ACSM4: variants seen among roughly 807,000 people sequenced by gnomAD.
ACSM4 encodes acyl-coenzyme A synthetase ACSM4, mitochondrial.
A neutral mutation model predicts 73.0 loss-of-function variants in ACSM4; 66 were observed. The ratio of observed to expected loss-of-function variants is 0.90; its 90% CI spans 0.74 to 1.11. The LOEUF is 1.11. ACSM4 is among the 50% of genes least tolerant of loss of function. The pLI, the probability that ACSM4 is intolerant of heterozygous loss-of-function variation, is 0.00. For missense variants in ACSM4, 645 were observed against 714.4 expected (o/e 0.90, Z 1.11); for synonymous variants, 222 against 254.0 (o/e 0.87, Z 1.20).
In ACSM4 at chr12:7,317,186, A is replaced by G. The variant is rs777363113; in HGVS notation, c.670A>G (p.Met224Val). The G allele has an allele frequency of 5.0e-6, 8 of 1,612,910 alleles. No individual in the cohort carries two copies. The highest frequency in any genetic ancestry group is 2.2e-5 in the South Asian group (2 of 90,720). Residue 224 changes from methionine (M) to valine (V), a missense_variant, in exon 4 of 13, where the codon ATG becomes GTG. Met to Val is a conservative substitution (Grantham distance 21). Transcript: ENST00000399422. ...SCVETGSQEP[M>V]TIYFTSGTTG... ...TGTGGAAACAGGAAGTCAAGAACCA[A>G]TGACCATTTATTTCACCAGTGGGAC...
intron 3 of ACSM4, among the ~76,000 whole-genome samples, chr12:7,311,801 C>T (rs1399728495): frequency 6.6e-6 from 1 of 152,104 alleles, no homozygotes; most frequent in Non-Finnish European, 1.5e-5. Flanking sequence ...GTGATCCTCC[C>T]ACCTGAGCCT....
chr12:7,309,681 G>A (rs1311537353), intron 2 of ACSM4, among the ~76,000 whole-genome samples: 1 of 152,096 alleles, frequency 6.6e-6, no homozygotes, highest in Non-Finnish European at 1.5e-5. Context: ...GGGATTACAG[G>A]TGTGAGCCAC....
At position 7,323,535 on chromosome 12, in the gene ACSM4, C is replaced by T. The variant is rs776914125; in HGVS notation, c.1283C>T (p.Pro428Leu). The T allele has an allele frequency of 1.2e-5, 20 of 1,613,580 alleles. No homozygotes were observed. Among genetic ancestry groups the T allele is most frequent in the Non-Finnish European group, 1.4e-5 (16 of 1,179,618 alleles). ...EIALRLKPTR[P>L]FCFFSKYVDN... ...GCCCTCAGACTCAAACCTACACGGC[C>T]CTTCTGTTTCTTCTCTAAATATGTG... The change falls in exon 9 of 13, where the codon CCC becomes CTC. Residue 428 changes from proline (P) to leucine (L), a missense_variant. Physicochemically the swap from Pro to Leu is moderately conservative, Grantham distance 98. Transcript: ENST00000399422.
chr12:7,305,659 C>T (rs1946357769), intron 1 of ACSM4, among the ~76,000 whole-genome samples: 1 of 152,166 alleles, frequency 6.6e-6, no homozygotes, highest in Non-Finnish European at 1.5e-5. Context: ...AGAGACACAT[C>T]TGTCATATAA....
intron 9 of ACSM4, 100 bp from the exon 10 acceptor site, chr12:7,324,173 C>T: frequency 7.1e-7 from 1 of 1,407,444 alleles, no homozygotes. Context: ...AAAAAATTTC[C>T]TATATAAGTA....
chr12:7,324,917 G>A (rs1318010001), intron 11 of ACSM4, among the ~76,000 whole-genome samples: 3 of 151,776 alleles, frequency 2.0e-5, no homozygotes, highest in African/African-American at 7.3e-5. Context: ...AGGTTGGCAA[G>A]ATTTAGCCCC....
chr12:7,307,507 A>T (rs1946368425), intron 2 of ACSM4, among the ~76,000 whole-genome samples: 1 of 152,240 alleles, frequency 6.6e-6, no homozygotes, highest in Non-Finnish European at 1.5e-5. Context: ...GTATTTATAC[A>T]TCAGGACTTA....
At chr12:7,320,392 A>G (rs927799066) in intron 5 of ACSM4, among the ~76,000 whole-genome samples, 3 of 152,244 alleles carry the variant, frequency 2.0e-5, no homozygotes, top group African/African-American at 7.2e-5. Context: ...GGAGGTTACA[A>G]GATTACACTA....
intron 9 of ACSM4, among the ~76,000 whole-genome samples, chr12:7,323,801 G>A (rs753087681): frequency 5.3e-4 from 80 of 152,244 alleles, no homozygotes; most frequent in African/African-American, 1.9e-3. Flanking sequence ...TGCAGTTGGG[G>A]GGTGCTAGAG....
At chr12:7,322,884 C>T (rs866253212) in intron 7 of ACSM4, among the ~76,000 whole-genome samples, 7 of 152,128 alleles carry the variant, frequency 4.6e-5, no homozygotes, top group African/African-American at 9.7e-5. Flanking sequence ...GTGCATTTAA[C>T]GGAGTCCAAG....
chr12:7,310,036 C>T lies in ACSM4; in HGVS notation c.413-503C>T, dbSNP rs150196017. Among the ~76,000 whole-genome samples the T allele has an allele frequency of 2.9e-3, 436 of 152,294 alleles. 5 individuals are homozygous for T. The highest frequency in any genetic ancestry group is 9.2e-3 in the African/African-American group (382 of 41,552). On this transcript the variant is annotated intron_variant, in intron 2 of 12. Coordinates refer to ENST00000399422, the MANE Select transcript of ACSM4 (RefSeq NM_001080454.2). ...TGGGCTTGATTAAGTAATCTACTGG[C>T]CTCGCCTCCCAAAGTGCTGGGATTA...
chr12:7,306,462 A>G (rs928791765), intron 1 of ACSM4, 71 bp from the exon 2 acceptor site: 1 of 1,429,770 alleles, frequency 7.0e-7, no homozygotes, highest in African/African-American at 1.4e-5. Flanking sequence ...GGGGGAAAAC[A>G]GCAGATGCCG....
intron 6 of ACSM4, among the ~76,000 whole-genome samples, chr12:7,322,141 A>G (rs1407922745): frequency 6.6e-6 from 1 of 152,208 alleles, no homozygotes; most frequent in Non-Finnish European, 1.5e-5. Context: ...CATTAATAGC[A>G]TCTTCTCCTG....
At chr12:7,319,238 T>C (rs1220653357) in intron 5 of ACSM4, among the ~76,000 whole-genome samples, 1 of 152,078 alleles carries the variant, frequency 6.6e-6, no homozygotes, top group Non-Finnish European at 1.5e-5. Flanking sequence ...TTCAGGCTCC[T>C]ATGAGAATCT....
intron 2 of ACSM4, among the ~76,000 whole-genome samples, chr12:7,309,121 C>T (rs757975199): frequency 3.3e-5 from 5 of 152,324 alleles, no homozygotes; most frequent in East Asian, 1.9e-4. Context: ...TAATCTAATT[C>T]GGCCATGTAT....
In ACSM4 at chr12:7,306,515, C is replaced by A; in HGVS notation, c.202-18C>A. 1 of 1,568,394 alleles carries A rather than the reference C, an allele frequency of 6.4e-7. No homozygotes were observed. The highest frequency in any genetic ancestry group is 1.4e-5 in the African/African-American group (1 of 73,922). On this transcript the variant is annotated intron_variant, in intron 1 of 12. Coordinates refer to ENST00000399422, the MANE Select transcript of ACSM4 (RefSeq NM_001080454.2). Reference sequence around the variant, plus strand: ...TCATGTAAACCTACCCCTCTCTTTTCCATGTGTCCCTGGTCAGACAGGGGA... The same window carrying A: ...TCATGTAAACCTACCCCTCTCTTTTACATGTGTCCCTGGTCAGACAGGGGA...
At chr12:7,315,649 C>G (rs888951282) in intron 3 of ACSM4, among the ~76,000 whole-genome samples, 1 of 152,036 alleles carries the variant, frequency 6.6e-6, no homozygotes, top group Admixed American at 6.6e-5. Flanking sequence ...AAATATGATA[C>G]ACCAGTCTCA....
Position 7,324,258 on chromosome 12 carries a change from A to T in ACSM4, c.1309-15A>T. The T allele has an allele frequency of 1.2e-6, 2 of 1,610,698 alleles. No homozygotes were observed. Among genetic ancestry groups the T allele is most frequent in the Non-Finnish European group, 1.7e-6 (2 of 1,178,924 alleles). ...CTGACCAGACTAATCCCCAAATGTCATCCTTGGTTCCCAGGACAATCCACA... is the reference window on the plus strand; with the variant it reads ...CTGACCAGACTAATCCCCAAATGTCTTCCTTGGTTCCCAGGACAATCCACA... On this transcript the variant is annotated splice_polypyrimidine_tract_variant and intron_variant, in intron 9 of 12. Coordinates refer to ENST00000399422, the MANE Select transcript of ACSM4 (RefSeq NM_001080454.2).
Position 7,327,008 on chromosome 12 carries a change from C to G in ACSM4, c.1569C>G (p.Pro523=), listed in dbSNP as rs1299916544. 6 of 1,612,382 alleles carry G rather than the reference C, an allele frequency of 3.7e-6. No individual in the cohort carries two copies. The African/African-American group carries it at 5.3e-5, about 14-fold the overall frequency. ...VVKAFVVLAA[P]FKSYNPEKLT... is the part of the protein sequence containing the mutation. Reference sequence around the variant, plus strand: ...AAGCTTTTGTTGTCTTAGCTGCACCCTTTAAGTCCTACAACCCAGAGAAAT... The same window carrying G: ...AAGCTTTTGTTGTCTTAGCTGCACCGTTTAAGTCCTACAACCCAGAGAAAT... Residue 523 remains proline, a synonymous_variant, in exon 12 of 13, where the codon CCC becomes CCG. Transcript: ENST00000399422.
Sources: allele counts gnomAD v4.1 joint callset (sites outside exome capture counted in the v4.1 genomes callset), GRCh38; gene constraint gnomAD v4.1.1; transcripts MANE v1.5; gene names NCBI Gene and HGNC (gene_info 2026-07-23, HGNC 2026-07-21).